CTNNA2: variants seen among roughly 807,000 people sequenced by gnomAD.
CTNNA2 encodes the protein catenin alpha 2.
CTNNA2 carries 42 observed loss-of-function variants against 101.0 expected under a neutral mutation model. The observed-to-expected ratio is 0.42, with a 90% confidence interval of 0.32 to 0.54. CTNNA2 has a LOEUF of 0.54. CTNNA2 is among the 20% of genes least tolerant of loss of function. The pLI is 0.14. For missense variants in CTNNA2, 871 were observed against 1,223.1 expected, an observed-to-expected ratio of 0.71 and a Z score of 4.29; for synonymous variants, 450 against 456.4, an observed-to-expected ratio of 0.99 and a Z score of 0.18.
chr2:79,279,219 T>C (rs910120540), intron 2 of CTNNA2, among the ~76,000 whole-genome samples: 1 of 152,100 alleles, frequency 6.6e-6, no homozygotes, highest in African/African-American at 2.4e-5. Flanking sequence ...ATATTTATTA[T>C]GTAGCCTGCT....
At chr2:79,553,819 C>T (rs1674270836) in intron 1 of CTNNA2, among the ~76,000 whole-genome samples, 1 of 152,098 alleles carries the variant, frequency 6.6e-6, no homozygotes, top group Non-Finnish European at 1.5e-5. Flanking sequence ...CAAATACAAA[C>T]CATAAAATAG....
At chr2:80,198,761 A>G (rs995770173) in intron 7 of CTNNA2, among the ~76,000 whole-genome samples, 1 of 152,150 alleles carries the variant, frequency 6.6e-6, no homozygotes, top group Non-Finnish European at 1.5e-5. Context: ...TATGTTGACT[A>G]TATTCATGAG....
intron 7 of CTNNA2, among the ~76,000 whole-genome samples, chr2:80,115,070 G>A (rs547909229): frequency 5.3e-5 from 8 of 152,308 alleles, no homozygotes; most frequent in South Asian, 2.1e-4. Context: ...TGAGATCAGC[G>A]TTTGAGGTAG....
chr2:79,822,538 C>T (rs1157870103), intron 3 of CTNNA2, among the ~76,000 whole-genome samples: 1 of 152,034 alleles, frequency 6.6e-6, no homozygotes, highest in African/African-American at 2.4e-5. Flanking sequence ...TCCTCCACAC[C>T]TTCTCCTTTG....
chr2:79,673,275 T>G (rs1006983775), intron 2 of CTNNA2, among the ~76,000 whole-genome samples: 19 of 152,282 alleles, frequency 1.2e-4, no homozygotes, highest in African/African-American at 4.6e-4. Flanking sequence ...ATTCTTTCAG[T>G]GGATTCCTTA....
At chr2:80,576,940 A>G (rs980695020) in intron 13 of CTNNA2, among the ~76,000 whole-genome samples, 2 of 152,078 alleles carry the variant, frequency 1.3e-5, no homozygotes, top group Non-Finnish European at 2.9e-5. Context: ...CTGTGTATCA[A>G]GGTGCCCTGG....
chr2:80,469,180 T>A (rs1246873664), intron 9 of CTNNA2, among the ~76,000 whole-genome samples: 1 of 152,146 alleles, frequency 6.6e-6, no homozygotes, highest in Non-Finnish European at 1.5e-5. Flanking sequence ...TTTCTTAGGG[T>A]CTGAGGTTTT....
intron 7 of CTNNA2, among the ~76,000 whole-genome samples, chr2:80,372,462 T>C (rs1283376525): frequency 2.6e-5 from 4 of 151,568 alleles, no homozygotes; most frequent in Non-Finnish European, 5.9e-5. Context: ...AAAGAATTAA[T>C]TGGACTTGAG....
At chr2:80,213,892 G>A in intron 7 of CTNNA2, among the ~76,000 whole-genome samples, 1 of 152,170 alleles carries the variant, frequency 6.6e-6, no homozygotes, top group East Asian at 1.9e-4. Context: ...ATGAATCTGG[G>A]TGCTCTAGTA....
Position 79,232,578 on chromosome 2 carries a change from C to T in CTNNA2, c.-406+34502C>T, listed in dbSNP as rs1197106149. ...AGAATGAATTAGGGAGAAACCCCTC[C>T]CTATCAACTTTTTGGAATAGTTTCA... On this transcript the variant is annotated intron_variant, in intron 2 of 21. Transcript: ENST00000466387. 7.2e-5 allele frequency among the ~76,000 whole-genome samples: 11 copies of T among 152,136 alleles called. No individual in the cohort carries two copies. The East Asian group carries it at 1.9e-3, about 27-fold the overall frequency.
At chr2:79,732,457 G>T (rs1422346318) in intron 2 of CTNNA2, among the ~76,000 whole-genome samples, 2 of 151,930 alleles carry the variant, frequency 1.3e-5, no homozygotes, top group Non-Finnish European at 2.9e-5. Context: ...TGTTATAATA[G>T]AAATATTTTC....
At chr2:80,577,938 G>A (rs1695199207) in intron 13 of CTNNA2, among the ~76,000 whole-genome samples, 1 of 152,070 alleles carries the variant, frequency 6.6e-6, no homozygotes, top group African/African-American at 2.4e-5. Flanking sequence ...TCATTTCACC[G>A]GGACTCATTT....
intron 7 of CTNNA2, among the ~76,000 whole-genome samples, chr2:80,339,946 G>A (rs556665814): frequency 5.9e-5 from 9 of 152,116 alleles, no homozygotes; most frequent in East Asian, 3.8e-4. Flanking sequence ...TAAGAATGAC[G>A]CCTTTACATT....
chr2:80,280,817 A>G (rs972619304), intron 7 of CTNNA2, among the ~76,000 whole-genome samples: 10 of 152,012 alleles, frequency 6.6e-5, no homozygotes, highest in African/African-American at 2.2e-4. Flanking sequence ...CACATTGTAT[A>G]TGCTCCCTGC....
At chr2:80,259,130 C>A (rs547705495) in intron 7 of CTNNA2, among the ~76,000 whole-genome samples, 1 of 152,042 alleles carries the variant, frequency 6.6e-6, no homozygotes, top group Non-Finnish European at 1.5e-5. Context: ...TCTATTTGGG[C>A]AAGAACACTG....
intron 1 of CTNNA2, among the ~76,000 whole-genome samples, chr2:79,548,373 T>C (rs1440292835): frequency 6.6e-6 from 1 of 152,252 alleles, no homozygotes. Flanking sequence ...TAGTTTGTTT[T>C]CACATTTCCA....
intron 1 of CTNNA2, among the ~76,000 whole-genome samples, chr2:79,518,512 T>C (rs1240964025): frequency 1.3e-5 from 2 of 152,234 alleles, no homozygotes; most frequent in African/African-American, 4.8e-5. Context: ...TTATGGCCCC[T>C]TGATGTTTTG....
At chr2:79,483,274 G>A (rs375350372) in intron 4 of CTNNA2, among the ~76,000 whole-genome samples, 4 of 152,138 alleles carry the variant, frequency 2.6e-5, no homozygotes, top group East Asian at 3.9e-4. Flanking sequence ...TTGCCAAAGC[G>A]AGTGCCCTCG....
chr2:80,500,596 A>G (rs1687804836), intron 9 of CTNNA2, among the ~76,000 whole-genome samples: 1 of 152,218 alleles, frequency 6.6e-6, no homozygotes, highest in Admixed American at 6.5e-5. Context: ...CAGAGATTGG[A>G]GAGTAGTGTG....
Sources: allele counts gnomAD v4.1 joint callset (sites outside exome capture counted in the v4.1 genomes callset), GRCh38; gene constraint gnomAD v4.1.1; transcripts MANE v1.5; gene names NCBI Gene and HGNC (gene_info 2026-07-23, HGNC 2026-07-21).